Variants in ADAM9 observed in about 807,000 individuals in gnomAD.
ADAM9 encodes ADAM metallopeptidase domain 9.
Under a neutral mutation model 108.1 loss-of-function variants are expected in ADAM9, and 54 were observed. The ratio of observed to expected loss-of-function variants is 0.50; its 90% CI spans 0.40 to 0.63. The LOEUF (loss-of-function observed/expected upper bound fraction) is 0.63. Among genes scored for constraint, ADAM9 ranks in the 20% least tolerant of loss-of-function variants. The probability of loss-of-function intolerance (pLI) is 0.00; values close to 1 mark genes in which losing one functional copy is unlikely to be tolerated. For synonymous variants in ADAM9, 316 were observed against 336.0 expected (o/e 0.94, Z 0.65); for missense variants, 830 against 997.7 (o/e 0.83, Z 2.26).
intron 19 of ADAM9, 29 bp downstream of exon 19, chr8:39,090,217 A>G (rs577347321): frequency 1.2e-5 from 19 of 1,533,708 alleles, no homozygotes; most frequent in African/African-American, 9.7e-5. Flanking sequence ...TTTAATTCCT[A>G]TATTAAATAT....
rs1564398619 is a variant in ADAM9, at chr8:39,104,193, A to G, written c.*493A>G. 2.2e-6 allele frequency: 1 copy of G among 454,118 alleles called. No individual in the cohort carries two copies. Among genetic ancestry groups the G allele is most frequent in the East Asian group, 6.9e-5 (1 of 14,404 alleles). 28.1% of individuals were successfully genotyped at this position (454,118 alleles called of 1,614,324 possible). A position where few individuals can be genotyped will look rare whatever the true frequency, so the allele number is the denominator to read the frequency against. ...CATCATGCACGAATTAATAATCATC[A>G]TACTCTAGAATCTTGTCTGTCACTC... On this transcript the variant is annotated 3_prime_UTR_variant, in exon 22 of 22. Transcript: ENST00000487273.
intron 1 of ADAM9, among the ~76,000 whole-genome samples, chr8:38,999,907 T>A (rs1272854231): frequency 1.3e-5 from 2 of 152,242 alleles, no homozygotes; most frequent in African/African-American, 4.8e-5. Flanking sequence ...TATTTCTTTT[T>A]CCTTTTTGGT....
chr8:39,067,504 C>G (rs1838522895), intron 14 of ADAM9, among the ~76,000 whole-genome samples: 1 of 152,148 alleles, frequency 6.6e-6, no homozygotes, highest in African/African-American at 2.4e-5. Context: ...ATTTTATTCT[C>G]TTTTTAGCAA....
At chr8:39,090,022 G>A in intron 18 of ADAM9, 25 bp from the exon 19 acceptor site, 1 of 1,612,712 alleles carries the variant, frequency 6.2e-7, no homozygotes, top group Non-Finnish European at 8.5e-7. Flanking sequence ...TTTGGTGACT[G>A]TTGATGTAAA....
chr8:39,098,603 A>C (rs999740599), intron 20 of ADAM9, among the ~76,000 whole-genome samples: 1 of 152,130 alleles, frequency 6.6e-6, no homozygotes, highest in Non-Finnish European at 1.5e-5. Flanking sequence ...ACTTAGTTCT[A>C]TTTCGAATCT....
At chr8:39,081,120 G>A (rs951432892) in intron 16 of ADAM9, among the ~76,000 whole-genome samples, 2 of 151,908 alleles carry the variant, frequency 1.3e-5, no homozygotes, top group African/African-American at 4.8e-5. Context: ...GCTAATTTTT[G>A]TGATTTTAGT....
At chr8:39,096,620 T>G (rs986188867) in intron 20 of ADAM9, among the ~76,000 whole-genome samples, 1 of 152,166 alleles carries the variant, frequency 6.6e-6, no homozygotes, top group East Asian at 1.9e-4. Context: ...CACTTACCAT[T>G]ATTATCGAGT....
chr8:39,034,780 A>G (rs1837214580), intron 11 of ADAM9, among the ~76,000 whole-genome samples: 1 of 151,456 alleles, frequency 6.6e-6, no homozygotes, highest in Admixed American at 6.6e-5. Context: ...CTATTTACCT[A>G]TGGCTGTTTT....
rs560936158 is a variant in ADAM9 at position 39,089,794 on chromosome 8, G to A, written c.2069-253G>A. On this transcript the variant is annotated intron_variant, in intron 18 of 21. Transcript: ENST00000487273. ...GTAAGAAAGTGTTGACAGTAGAAACGTATTTTGTTCTTGATTGTTTGCTCG... is the reference window on the plus strand; with the variant it reads ...GTAAGAAAGTGTTGACAGTAGAAACATATTTTGTTCTTGATTGTTTGCTCG... The A allele has an allele frequency of 3.6e-4, 165 of 460,178 alleles. 1 individual carries two copies. Among genetic ancestry groups the A allele is most frequent in the African/African-American group, 3.1e-3 (156 of 50,556 alleles). 28.5% of individuals were successfully genotyped at this position (460,178 alleles called of 1,614,324 possible).
At chr8:39,023,793 C>A (rs1836831577) in intron 9 of ADAM9, among the ~76,000 whole-genome samples, 1 of 131,618 alleles carries the variant, frequency 7.6e-6, no homozygotes, top group South Asian at 2.4e-4. Flanking sequence ...GTTGCCCAGA[C>A]CAGAGTGCAG....
At chr8:39,073,338 A>AT (rs1284197088) in intron 15 of ADAM9, among the ~76,000 whole-genome samples, 1 of 152,044 alleles carries the variant, frequency 6.6e-6, no homozygotes, top group Non-Finnish European at 1.5e-5. Flanking sequence ...TATGTTTTAA[A>AT]TTTGTTACTA....
intron 11 of ADAM9, among the ~76,000 whole-genome samples, chr8:39,032,974 G>A (rs1837146601): frequency 6.6e-6 from 1 of 152,160 alleles, no homozygotes; most frequent in Non-Finnish European, 1.5e-5. Flanking sequence ...CTAATTTGCT[G>A]GGATTTTGAT....
Position 39,090,027 on chromosome 8 carries a change from T to C in ADAM9, c.2069-20T>C. The C allele has an allele frequency of 3.7e-6, 6 of 1,613,258 alleles. No individual in the cohort carries two copies. Among genetic ancestry groups the C allele is most frequent in the Non-Finnish European group, 5.1e-6 (6 of 1,179,418 alleles). On this transcript the variant is annotated intron_variant, in intron 18 of 21. Coordinates refer to ENST00000487273, the MANE Select transcript of ADAM9 (RefSeq NM_003816.3). The stretch of plus-strand genomic sequence containing the variant: ...CTAGTATGAGTTTGGTGACTGTTGA[T>C]GTAAAATTCTTCTCTCTAGAAATGA...
At chr8:39,026,263 C>T (rs1473856162) in intron 10 of ADAM9, among the ~76,000 whole-genome samples, 2 of 152,178 alleles carry the variant, frequency 1.3e-5, no homozygotes, top group East Asian at 1.9e-4. Flanking sequence ...TTGCTCCCCA[C>T]CTCCCGACAG....
chr8:39,053,027 C>T (rs369419949), intron 12 of ADAM9, among the ~76,000 whole-genome samples: 27 of 152,206 alleles, frequency 1.8e-4, no homozygotes, highest in African/African-American at 6.3e-4. Flanking sequence ...TTTAGCCATT[C>T]TATTGAGTGT....
chr8:39,010,764 A>G (rs1453822951), intron 2 of ADAM9, among the ~76,000 whole-genome samples: 1 of 152,156 alleles, frequency 6.6e-6, no homozygotes, highest in African/African-American at 2.4e-5. Flanking sequence ...GATGCCATCA[A>G]TTGTGAGACA....
intron 12 of ADAM9, among the ~76,000 whole-genome samples, chr8:39,045,278 A>ATACG (rs1450331449): frequency 1.4e-5 from 2 of 140,396 alleles, no homozygotes; most frequent in Admixed American, 7.0e-5. Context: ...ATACATACAT[A>ATACG]TGTATATGTG....
chr8:39,021,789 T>A, intron 8 of ADAM9, 75 bp downstream of exon 8: 1 of 1,318,290 alleles, frequency 7.6e-7, no homozygotes. Context: ...TAAAAATGTC[T>A]CATTTTGAGT....
At chr8:38,998,641 T>C (rs932096807) in intron 1 of ADAM9, among the ~76,000 whole-genome samples, 1 of 152,174 alleles carries the variant, frequency 6.6e-6, no homozygotes, top group Admixed American at 6.5e-5. Context: ...GCTAAGCGCA[T>C]CTGAGAGATG....
Sources: allele counts gnomAD v4.1 joint callset (sites outside exome capture counted in the v4.1 genomes callset), GRCh38; gene constraint gnomAD v4.1.1; transcripts MANE v1.5; gene names NCBI Gene and HGNC (gene_info 2026-07-23, HGNC 2026-07-21).